Variants in COASY observed in about 807,000 individuals in gnomAD.
The protein encoded by COASY is bifunctional coenzyme A synthase.
In COASY, 31 loss-of-function variants were observed where a neutral mutation model predicts 49.4. The observed-to-expected ratio is 0.63, with a 90% CI of 0.47 to 0.85. The LOEUF (loss-of-function observed/expected upper bound fraction) is 0.85. COASY is among the 40% of genes least tolerant of loss of function. The pLI is 0.00. For synonymous variants in COASY, 285 were observed against 310.9 expected (o/e 0.92, Z 0.88); for missense variants, 730 against 734.1 (o/e 0.99, Z 0.06).
intron 7 of COASY, 24 bp from the exon 8 acceptor site, chr17:42,565,635 G>C (rs375422516): frequency 6.2e-7 from 1 of 1,613,820 alleles, no homozygotes; most frequent in African/African-American, 1.3e-5. Context: ...AATTCTTCCT[G>C]ACAAATGTCT....
chr17:42,564,102 C>T lies in COASY; in HGVS notation c.842C>T (p.Ser281Phe), dbSNP rs1425049815. ...TATGGGCCCGCTGGCTCTGACCCCTCCCTGGAGTTCCTGGTGGTCAGCGAG... is the reference window on the plus strand; with the variant it reads ...TATGGGCCCGCTGGCTCTGACCCCTTCCTGGAGTTCCTGGTGGTCAGCGAG... ...DPYGPAGSDP[S>F]LEFLVVSEET... is the part of the protein sequence containing the mutation. Residue 281 changes from serine to phenylalanine, a missense_variant, in exon 2 of 9, where the codon TCC (serine) becomes TTC (phenylalanine). Coordinates refer to ENST00000393818, the MANE Select transcript of COASY (RefSeq NM_025233.7). The T allele has an allele frequency of 2.5e-6, 4 of 1,614,026 alleles. No individual in the cohort carries two copies. The highest frequency in any genetic ancestry group is 1.6e-4 in the Middle Eastern group (1 of 6,084).
chr17:42,565,437 G>A (rs756922318), intron 6 of COASY, 34 bp from the exon 7 acceptor site: 11 of 1,612,728 alleles, frequency 6.8e-6, no homozygotes, highest in South Asian at 5.5e-5. Flanking sequence ...GGAGAACGTC[G>A]GCACTGCTGG....
At position 42,564,084 on chromosome 17, in the gene COASY, C is replaced by T. The variant is rs371155752; in HGVS notation, c.824C>T (p.Pro275Leu). The change falls in exon 2 of 9, where the codon CCC (proline) becomes CTC (leucine). Residue 275 changes from proline (P) to leucine (L), a missense_variant. Pro to Leu is a moderately conservative substitution (Grantham distance 98). Transcript: ENST00000393818. ...DVIPLLDPYGPAGSDPSLEFL... is the reference protein window; with the variant it reads ...DVIPLLDPYGLAGSDPSLEFL... ...ATCCCCCTGCTGGACCCCTATGGGC[C>T]CGCTGGCTCTGACCCCTCCCTGGAG... 6.2e-7 allele frequency: 1 copy of T among 1,613,984 alleles called. No individual in the cohort carries two copies. The highest frequency in any genetic ancestry group is 8.5e-7 in the Non-Finnish European group (1 of 1,180,012).
intron 2 of COASY, 59 bp from the exon 3 acceptor site, chr17:42,564,387 G>A (rs1277018563): frequency 2.5e-6 from 4 of 1,611,022 alleles, no homozygotes; most frequent in Non-Finnish European, 3.4e-6. Flanking sequence ...CAGGTTGGAT[G>A]TCAGGGTCTT....
intron 1 of COASY, chr17:42,563,681 AT>A (rs1472517892): frequency 1.9e-6 from 1 of 513,582 alleles, no homozygotes. Flanking sequence ...GGGTCTTGGA[AT>A]TTTCCATCTG....
Position 42,565,571 on chromosome 17 carries a change from A to G in COASY, c.1485+3A>G, listed in dbSNP as rs762190694. On this transcript the variant is annotated splice_donor_region_variant and intron_variant, in intron 7 of 8. Transcript: ENST00000393818. ...CTGCTGTCATCCCAGAGACTGAGGT[A>G]TCTCGCCCCACCCCCCACACCATCC... is the stretch of plus-strand genomic sequence containing the variant. 2 of 1,614,090 alleles carry G rather than the reference A, an allele frequency of 1.2e-6. No homozygotes were observed. Among genetic ancestry groups the G allele is most frequent in the Non-Finnish European group, 1.7e-6 (2 of 1,179,954 alleles).
chr17:42,565,746 G>C lies in COASY; in HGVS notation c.1573G>C (p.Val525Leu). The C allele has an allele frequency of 1.9e-6, 3 of 1,613,968 alleles. No individual in the cohort carries two copies. In the South Asian group the frequency reaches 3.3e-5, roughly 18 times the overall value. The change falls in exon 8 of 9, where the codon GTG (valine) becomes CTG (leucine). Residue 525 changes from valine to leucine, a missense_variant. Transcript: ENST00000393818. ...GAGCCAGATGAGCGGGCAGCAGCTT[G>C]TGGAACAGAGCCACGTGGTGCTCAG... is the stretch of plus-strand genomic sequence containing the variant. ...LQSQMSGQQLVEQSHVVLSTL... is the reference protein window; with the variant it reads ...LQSQMSGQQLLEQSHVVLSTL...
In COASY at chr17:42,564,696, C is replaced by A. The variant is rs760028025; in HGVS notation, c.1048-13C>A. On this transcript the variant is annotated splice_polypyrimidine_tract_variant and intron_variant, in intron 3 of 8. Transcript: ENST00000393818. ...GCCCCAGTAACTGTGGGTTCCCTTT[C>A]ACCTATCCCCAGGAAAGGCCAGAGC... 13 of 1,526,644 alleles carry A rather than the reference C, an allele frequency of 8.5e-6. No homozygotes were observed. The highest frequency in any genetic ancestry group is 4.5e-5 in the Admixed American group (2 of 44,838). 94.6% of individuals were successfully genotyped at this position (1,526,644 alleles called of 1,614,324 possible).
rs1189431092 is a variant in COASY, at chr17:42,563,882, G to A, written c.701-79G>A. 7.7e-6 allele frequency: 9 copies of A among 1,167,618 alleles called. No homozygotes were observed. The African/African-American group carries it at 1.4e-4, about 18-fold the overall frequency. 72.3% of individuals were successfully genotyped at this position (1,167,618 alleles called of 1,614,324 possible). A position where few individuals can be genotyped will look rare whatever the true frequency, so the allele number is the denominator to read the frequency against. On this transcript the variant is annotated intron_variant, in intron 1 of 8. Coordinates refer to ENST00000393818, the MANE Select transcript of COASY (RefSeq NM_025233.7). ...ACCCCCTCTGGGGATACTGTACTTA[G>A]GGACACTTTTTCCCAAACTGGCCCA...
rs776853967 is a variant in COASY at position 42,565,795 on chromosome 17, C to T, written c.1622C>T (p.Thr541Ile). The change falls in exon 8 of 9, where the codon ACC (threonine) becomes ATC (isoleucine). Residue 541 changes from threonine (T) to isoleucine (I), a missense_variant. By Grantham distance (89) the Thr-to-Ile change is moderately conservative. Transcript: ENST00000393818. ...VLSTLWEPHI[T>I]QRQVEKAWAL... Reference sequence around the variant, plus strand: ...AGCACCTTGTGGGAGCCGCATATCACCCAACGCCAGGTTGGTGCCCAGGGC... The same window carrying T: ...AGCACCTTGTGGGAGCCGCATATCATCCAACGCCAGGTTGGTGCCCAGGGC... The T allele has an allele frequency of 1.9e-6, 3 of 1,613,792 alleles. No individual in the cohort carries two copies. In the African/African-American group the frequency reaches 4.0e-5, roughly 22 times the overall value.
intron 6 of COASY, 21 bp from the exon 7 acceptor site, chr17:42,565,450 G>A (rs779920645): frequency 1.2e-6 from 2 of 1,613,950 alleles, no homozygotes; most frequent in Non-Finnish European, 8.5e-7. Flanking sequence ...ACTGCTGGCG[G>A]TGACTGGGGT....
intron 2 of COASY, 99 bp downstream of exon 2, chr17:42,564,274 T>TGG: frequency 6.9e-7 from 1 of 1,446,784 alleles, no homozygotes; most frequent in African/African-American, 1.4e-5. Flanking sequence ...AGGAGAGAAG[T>TGG]GGGGGCTCAG....
In COASY at chr17:42,566,232, G is replaced by A. The variant is rs1205937598; in HGVS notation, c.*264G>A. 7 of 533,920 alleles carry A rather than the reference G, an allele frequency of 1.3e-5. No homozygotes were observed. Among genetic ancestry groups the A allele is most frequent in the Admixed American group, 6.6e-5 (2 of 30,432 alleles). The allele number at this position is 533,920 out of a possible 1,614,324, so 33.1% of individuals were successfully genotyped here. A position where few individuals can be genotyped will look rare whatever the true frequency, so the allele number is the denominator to read the frequency against. On this transcript the variant is annotated 3_prime_UTR_variant, in exon 9 of 9. Coordinates refer to ENST00000393818, the MANE Select transcript of COASY (RefSeq NM_025233.7). ...TTACCCACAGCTGACTAGGGCCAGC[G>A]CAAATACTGGAACCTGTAACAGAAT... is the stretch of plus-strand genomic sequence containing the variant.
rs1402124022 is a variant in COASY, at chr17:42,564,724, C to T, written c.1063C>T (p.Pro355Ser). 1 of 1,526,888 alleles carries T rather than the reference C, an allele frequency of 6.5e-7. No homozygotes were observed. The highest frequency in any genetic ancestry group is 2.3e-5 in the East Asian group (1 of 44,306). The allele number at this position is 1,526,888 out of a possible 1,614,324, so 94.6% of individuals were successfully genotyped here. A position where few individuals can be genotyped will look rare whatever the true frequency, so the allele number is the denominator to read the frequency against. Residue 355 changes from proline (P) to serine (S), a missense_variant, in exon 4 of 9, where the codon CCC (proline) becomes TCC (serine). Coordinates refer to ENST00000393818, the MANE Select transcript of COASY (RefSeq NM_025233.7). ...CTATCCCCAGGAAAGGCCAGAGCTC[C>T]CCACATGTCTCTATGTAATTGGGCT... ...LRPPYERPEL[P>S]TCLYVIGLTG...
chr17:42,566,082 T>C lies in COASY; in HGVS notation c.*114T>C, dbSNP rs1031217373. On this transcript the variant is annotated 3_prime_UTR_variant, in exon 9 of 9. Coordinates refer to ENST00000393818, the MANE Select transcript of COASY (RefSeq NM_025233.7). ...TCAGGCCCAGAGGTCCAAGCTATAC[T>C]GTGCAGGACATGGCCAGGCCTGGTG... 9 of 1,124,784 alleles carry C rather than the reference T, an allele frequency of 8.0e-6. No homozygotes were observed. In the African/African-American group the frequency reaches 1.1e-4, roughly 13 times the overall value. The allele number at this position is 1,124,784 out of a possible 1,614,324, so 69.7% of individuals were successfully genotyped here. A position where few individuals can be genotyped will look rare whatever the true frequency, so the allele number is the denominator to read the frequency against.
Position 42,565,694 on chromosome 17 carries a change from T to C in COASY, c.1521T>C (p.Ser507=). Residue 507 remains serine (S), a synonymous_variant, in exon 8 of 9, where the codon AGT becomes AGC. Transcript: ENST00000393818. ...GCATTGTGGAGAGGGATGGCCTCAGTGAAGCCGCGGCTCAAAGCCGGCTGC... is the reference window on the plus strand; with the variant it reads ...GCATTGTGGAGAGGGATGGCCTCAGCGAAGCCGCGGCTCAAAGCCGGCTGC... The part of the protein sequence containing the change: ...VRRIVERDGL[S]EAAAQSRLQS... The C allele has an allele frequency of 1.2e-6, 2 of 1,614,024 alleles. No individual in the cohort carries two copies. The highest frequency in any genetic ancestry group is 4.5e-5 in the East Asian group (2 of 44,880).
chr17:42,564,197 CAGAG>C (rs1437031301), intron 2 of COASY, 22 bp downstream of exon 2: 2 of 1,609,124 alleles, frequency 1.2e-6, no homozygotes, highest in Non-Finnish European at 1.7e-6. Context: ...GGGAGACTGG[CAGAG>C]GGAGTGGATG....
chr17:42,562,733 C>G lies in COASY; in HGVS notation c.111C>G (p.Leu37=), dbSNP rs775126015. 1.9e-6 allele frequency: 3 copies of G among 1,588,732 alleles called. No individual in the cohort carries two copies. The highest frequency in any genetic ancestry group is 2.6e-6 in the Non-Finnish European group (3 of 1,165,066). The change falls in exon 1 of 9, where the codon CTC becomes CTG. Residue 37 remains leucine (L), a synonymous_variant. Transcript: ENST00000393818. The part of the protein sequence containing the change: ...TSAARLVNHT[L]YVHLQPGMSL... The stretch of plus-strand genomic sequence containing the variant: ...CGGCCCGGCTGGTGAATCACACACT[C>G]TATGTTCACCTGCAGCCGGGCATGA...
Position 42,563,157 on chromosome 17 carries a change from C to G in COASY, c.535C>G (p.Pro179Ala). The G allele has an allele frequency of 1.2e-6, 2 of 1,614,004 alleles. No individual in the cohort carries two copies. Among genetic ancestry groups the G allele is most frequent in the Middle Eastern group, 1.6e-4 (1 of 6,062 alleles). Residue 179 changes from proline to alanine, a missense_variant, in exon 1 of 9, where the codon CCC (proline) becomes GCC (alanine). Coordinates refer to ENST00000393818, the MANE Select transcript of COASY (RefSeq NM_025233.7). ...ACCCTCCACGATCAGGCCAGCTTCC[C>G]CCGTGGCCGGGTCTCCAAAGCAGCC... Reference protein sequence around the residue: ...PLPSTIRPASPVAGSPKQPVR... With the variant: ...PLPSTIRPASAVAGSPKQPVR...
Sources: gnomAD v4.1 joint callset for allele counts on GRCh38, gnomAD v4.1.1 for gene constraint, MANE v1.5 for transcripts, NCBI Gene and HGNC (gene_info 2026-07-23, HGNC 2026-07-21) for gene names.